The following SHCBP1 variants were observed in gnomAD, a reference collection of about 807,000 sequenced individuals.
SHCBP1 encodes SHC SH2 domain-binding protein 1.
Under a neutral mutation model 75.1 loss-of-function variants are expected in SHCBP1, and 60 were observed. That is an observed-to-expected ratio of 0.80 (90% CI 0.65 to 0.99). SHCBP1 has a LOEUF of 0.99. Ranked by LOEUF, SHCBP1 falls within the 50% of genes least tolerant of loss-of-function variation. The probability of loss-of-function intolerance (pLI) is 0.00; values close to 1 mark genes in which losing one functional copy is unlikely to be tolerated. For missense variants in SHCBP1, 709 were observed against 809.4 expected (o/e 0.88, Z 1.50); for synonymous variants, 290 against 293.2 (o/e 0.99, Z 0.11).
chr16:46,586,570 T>C (rs1964957545), intron 10 of SHCBP1, among the ~76,000 whole-genome samples: 1 of 152,156 alleles, frequency 6.6e-6, no homozygotes, highest in South Asian at 2.1e-4. Flanking sequence ...AGCTCCCAAA[T>C]TTGGCAGGAT....
intron 5 of SHCBP1, among the ~76,000 whole-genome samples, chr16:46,606,663 A>T (rs962996985): frequency 6.6e-6 from 1 of 152,196 alleles, no homozygotes; most frequent in African/African-American, 2.4e-5. Context: ...ACTCAAGCTT[A>T]TTGAAATTTT....
At chr16:46,602,497 A>C (rs1965256268) in intron 8 of SHCBP1, among the ~76,000 whole-genome samples, 1 of 152,236 alleles carries the variant, frequency 6.6e-6, no homozygotes, top group South Asian at 2.1e-4. Context: ...TGCTAACTTG[A>C]AGCTATTTTG....
chr16:46,596,233 C>A (rs1192819131), intron 9 of SHCBP1, among the ~76,000 whole-genome samples: 4 of 152,020 alleles, frequency 2.6e-5, no homozygotes, highest in Admixed American at 1.3e-4. Context: ...AGGCCGCATG[C>A]GGTAGCTCAC....
Position 46,599,925 on chromosome 16 carries a change from C to G in SHCBP1, c.1251G>C (p.Arg417Ser), listed in dbSNP as rs200482042. The stretch of plus-strand genomic sequence containing the variant: ...AGTCCACAAAAGTGTCGCCTTTGCC[C>G]CTCTTTTCTATCACAATGTCATCTG... The part of the protein sequence containing the change: ...GLPDDIVIEK[R>S]GKGDTFVDCT... Residue 417 changes from arginine to serine, a missense_variant, in exon 9 of 13, where the codon AGG becomes AGC. Transcript: ENST00000303383. 6.2e-7 allele frequency: 1 copy of G among 1,613,218 alleles called. No homozygotes were observed. Among genetic ancestry groups the G allele is most frequent in the Non-Finnish European group, 8.5e-7 (1 of 1,179,798 alleles).
In SHCBP1 at chr16:46,595,606, T is replaced by C. The variant is rs1022397782; in HGVS notation, c.1410A>G (p.Thr470=). The part of the protein sequence containing the change: ...CVLQCETTGV[T]VRTSAEFLMK... ...TTAGAAACTCTGCTGATGTCCGCAC[T>C]GTGACTCCGGTCGTCTCACACTGCA... is the stretch of plus-strand genomic sequence containing the variant. The change falls in exon 10 of 13, where the codon ACA becomes ACG. Residue 470 remains threonine (T), a synonymous_variant. Transcript: ENST00000303383. 5 of 1,614,076 alleles carry C rather than the reference T, an allele frequency of 3.1e-6. No individual in the cohort carries two copies. Among genetic ancestry groups the C allele is most frequent in the Admixed American group, 1.7e-5 (1 of 59,992 alleles).
At chr16:46,593,290 T>C (rs1965080706) in intron 10 of SHCBP1, among the ~76,000 whole-genome samples, 1 of 152,130 alleles carries the variant, frequency 6.6e-6, no homozygotes, top group Non-Finnish European at 1.5e-5. Context: ...CATATAAAAA[T>C]AAATTATATT....
At position 46,607,006 on chromosome 16, in the gene SHCBP1, G is replaced by T. The variant is rs542729331; in HGVS notation, c.689+1291C>A. The stretch of plus-strand genomic sequence containing the variant: ...CAGCTAATTTTTTTTTTTAGGTTTC[G>T]TAGAGGTGGGGTCTCACTATGTTGC... On this transcript the variant is annotated intron_variant, in intron 5 of 12. Coordinates refer to ENST00000303383, the MANE Select transcript of SHCBP1 (RefSeq NM_024745.5). Among the ~76,000 whole-genome samples the T allele has an allele frequency of 1.9e-3, 285 of 151,710 alleles. 1 individual carries two copies. Among genetic ancestry groups the T allele is most frequent in the Non-Finnish European group, 2.2e-3 (146 of 67,882 alleles).
intron 10 of SHCBP1, among the ~76,000 whole-genome samples, chr16:46,592,898 G>C (rs1965067906): frequency 1.5e-5 from 1 of 65,188 alleles, no homozygotes; most frequent in Admixed American, 2.4e-4. Context: ...GCCTAGTCCT[G>C]AGAAAGGAAC....
rs777349680 is a variant in SHCBP1 at position 46,608,323 on chromosome 16, G to T, written c.663C>A (p.Val221=). The change falls in exon 5 of 13, where the codon GTC becomes GTA. Residue 221 remains valine, a synonymous_variant. Coordinates refer to ENST00000303383, the MANE Select transcript of SHCBP1 (RefSeq NM_024745.5). ...ATCTTAATCGAGGTTCAACACATCT[G>T]ACAAAATAATCGTATTCATCCTCCT... is the stretch of plus-strand genomic sequence containing the variant. The part of the protein sequence containing the change: ...EEEEDEYDYF[V]RCVEPRLRLH... 7 of 1,613,380 alleles carry T rather than the reference G, an allele frequency of 4.3e-6. No homozygotes were observed. The highest frequency in any genetic ancestry group is 5.1e-6 in the Non-Finnish European group (6 of 1,179,608).
rs182863872 is a variant in SHCBP1, at chr16:46,616,812, G to A, written c.388-658C>T. ...CATTGTTTTCGGAGAACTGATTGGC[G>A]GGGGGGCACTTATCATAACCAAATG... On this transcript the variant is annotated intron_variant, in intron 3 of 12. Coordinates refer to ENST00000303383, the MANE Select transcript of SHCBP1 (RefSeq NM_024745.5). This position sits in a 1 kb window ranked among gnomAD's most constrained non-coding sequence, Gnocchi z 4.4. Among the ~76,000 whole-genome samples the A allele has an allele frequency of 9.9e-5, 15 of 151,500 alleles. No homozygotes were observed. The East Asian group carries it at 1.2e-3, about 12-fold the overall frequency.
intron 4 of SHCBP1, among the ~76,000 whole-genome samples, chr16:46,611,943 G>A (rs1596687829): frequency 6.6e-6 from 1 of 152,302 alleles, no homozygotes; most frequent in Non-Finnish European, 1.5e-5. Flanking sequence ...CTTTCTTCAT[G>A]TATTGGTTGG....
chr16:46,613,265 G>T (rs768630925), intron 4 of SHCBP1, among the ~76,000 whole-genome samples: 15 of 152,182 alleles, frequency 9.9e-5, no homozygotes, highest in Non-Finnish European at 1.9e-4. Flanking sequence ...GTTCGAGCCT[G>T]CATTGAATCA....
chr16:46,617,326 T>A (rs1263460115), intron 3 of SHCBP1, among the ~76,000 whole-genome samples: 2 of 152,192 alleles, frequency 1.3e-5, no homozygotes, highest in South Asian at 2.1e-4. Flanking sequence ...TTGAGCTGCT[T>A]AACGAATTAC....
chr16:46,603,496 C>T, intron 8 of SHCBP1, 43 bp downstream of exon 8: 2 of 1,611,108 alleles, frequency 1.2e-6, no homozygotes, highest in African/African-American at 1.3e-5. Context: ...TTTACTTAAA[C>T]ATATCACGTG....
Position 46,604,123 on chromosome 16 carries a change from T to C in SHCBP1, c.944A>G (p.Lys315Arg). The change falls in exon 7 of 13, where the codon AAG becomes AGG. Residue 315 changes from lysine to arginine, a missense_variant. Transcript: ENST00000303383. ...ACCCTTTGCTTGGATGTTAGAATTC[T>C]TCTGATAACCAAACACATACCTTAA... is the stretch of plus-strand genomic sequence containing the variant. ...PLLRYVFGYQ[K>R]NSNIQAKGVR... 3 of 1,614,110 alleles carry C rather than the reference T, an allele frequency of 1.9e-6. No homozygotes were observed. Among genetic ancestry groups the C allele is most frequent in the Non-Finnish European group, 2.5e-6 (3 of 1,180,012 alleles).
intron 10 of SHCBP1, among the ~76,000 whole-genome samples, chr16:46,591,155 T>C (rs1965041972): frequency 6.6e-6 from 1 of 151,978 alleles, no homozygotes. Context: ...CATCACACAC[T>C]GGGGCCTGTT....
At position 46,579,140 on chromosome 16, in the gene SHCBP1, C is replaced by T. The variant is rs558649293; in HGVS notation, c.*2589G>A. On this transcript the variant is annotated 3_prime_UTR_variant, in exon 13 of 13. Transcript: ENST00000303383. ...CTCAAATCAGCAAAATAGAATTTTG[C>T]TACCTGCCATAAATTCAAGGTCACA... 2.5e-4 allele frequency among the ~76,000 whole-genome samples: 38 copies of T among 152,310 alleles called. No homozygotes were observed. The East Asian group carries it at 5.4e-3, about 22-fold the overall frequency.
At chr16:46,582,147 C>G in intron 12 of SHCBP1, 93 bp from the exon 13 acceptor site, 7 of 1,343,614 alleles carry the variant, frequency 5.2e-6, no homozygotes, top group Non-Finnish European at 7.0e-6. Flanking sequence ...CAAGCAGCTG[C>G]CTTGCTTTCT....
At chr16:46,587,124 G>C (rs1227349804) in intron 10 of SHCBP1, among the ~76,000 whole-genome samples, 1 of 152,000 alleles carries the variant, frequency 6.6e-6, no homozygotes, top group Non-Finnish European at 1.5e-5. Flanking sequence ...CTCTAATATG[G>C]TTCTAGATGT....
Sources: allele counts gnomAD v4.1 joint callset (sites outside exome capture counted in the v4.1 genomes callset), GRCh38; gene constraint gnomAD v4.1.1; non-coding constraint Gnocchi (gnomAD v3.1); transcripts MANE v1.5; gene names NCBI Gene and HGNC (gene_info 2026-07-23, HGNC 2026-07-21).